The following NF1 variants were observed in gnomAD, a reference collection of about 807,000 sequenced individuals.
The protein encoded by NF1 is neurofibromin 1.
NF1 carries 122 observed loss-of-function variants against 325.7 expected under a neutral mutation model. The ratio of observed to expected loss-of-function variants is 0.37; its 90% CI spans 0.32 to 0.44. The LOEUF (loss-of-function observed/expected upper bound fraction) is 0.44, where lower values mean the gene tolerates loss of function less well. Ranked by LOEUF, NF1 falls within the 20% of genes least tolerant of loss-of-function variation. The pLI is 1.00. For synonymous variants in NF1, 1,091 were observed against 1,186.0 expected (o/e 0.92, Z 1.65); for missense variants, 2,140 against 3,415.4 (o/e 0.63, Z 9.31).
At chr17:31,167,856 G>C (rs1019136682) in intron 4 of NF1, among the ~76,000 whole-genome samples, 2 of 152,062 alleles carry the variant, frequency 1.3e-5, no homozygotes, top group Non-Finnish European at 2.9e-5. Flanking sequence ...GAGAAGCTGG[G>C]GTTTAAACAG....
At chr17:31,122,677 T>G (rs1914537864) in intron 1 of NF1, among the ~76,000 whole-genome samples, 1 of 152,244 alleles carries the variant, frequency 6.6e-6, no homozygotes, top group Non-Finnish European at 1.5e-5. Flanking sequence ...TGCATATTGG[T>G]TTTCAGATAA....
At chr17:31,265,528 A>G (rs2067771547) in intron 36 of NF1, among the ~76,000 whole-genome samples, 189 bp downstream of exon 36, 1 of 151,678 alleles carries the variant, frequency 6.6e-6, no homozygotes, top group South Asian at 2.1e-4. Flanking sequence ...GCTGCTTTTC[A>G]TACTACCCAT....
chr17:31,186,527 C>T (rs1377975080), intron 8 of NF1, among the ~76,000 whole-genome samples: 1 of 152,106 alleles, frequency 6.6e-6, no homozygotes, highest in Non-Finnish European at 1.5e-5. Flanking sequence ...AGTGGTTTGG[C>T]TGGATGGTCA....
At chr17:31,260,606 G>A (rs368175087) in intron 34 of NF1, 91 bp downstream of exon 34, 1 of 1,404,194 alleles carries the variant, frequency 7.1e-7, no homozygotes, top group Non-Finnish European at 1.0e-6. Context: ...TTTTTACTTT[G>A]CATCTTCTTG....
At chr17:31,320,553 G>A (rs768474842) in intron 36 of NF1, 9 of 800,576 alleles carry the variant, frequency 1.1e-5, no homozygotes, top group South Asian at 7.6e-5. Flanking sequence ...AATGTGATAC[G>A]TTGAGTTATG....
chr17:31,181,590 A>T, intron 6 of NF1, 101 bp downstream of exon 6: 1 of 1,330,738 alleles, frequency 7.5e-7, no homozygotes, highest in Non-Finnish European at 1.1e-6. Flanking sequence ...TGATAGTTTC[A>T]CATTCATTTT....
In NF1 at chr17:31,226,621, A is replaced by C. The variant is rs758893131; in HGVS notation, c.2188A>C (p.Asn730His). 1.2e-6 allele frequency: 2 copies of C among 1,613,850 alleles called. No homozygotes were observed. Among genetic ancestry groups the C allele is most frequent in the Non-Finnish European group, 1.7e-6 (2 of 1,179,810 alleles). ...TGGGGTGGATGAAGTGTCAGTGCAT[A>C]ACCTCTTGCCCAACTATAACACATT... ...RCGVDEVSVH[N>H]LLPNYNTFME... Residue 730 changes from asparagine (N) to histidine (H), a missense_variant, in exon 18 of 58, where the codon AAC becomes CAC. Coordinates refer to ENST00000358273, the MANE Select transcript of NF1 (RefSeq NM_001042492.3).
At chr17:31,230,493 A>T (rs1256519583) in intron 23 of NF1, 111 bp downstream of exon 23, 3 of 1,326,970 alleles carry the variant, frequency 2.3e-6, no homozygotes, top group Non-Finnish European at 3.2e-6. Context: ...ATGAAAAGAG[A>T]GCAATTTACA....
At position 31,357,296 on chromosome 17, in the gene NF1, G is replaced by T. The variant is rs750754640; in HGVS notation, c.7897G>T (p.Glu2633Ter). 1 of 1,613,990 alleles carries T rather than the reference G, an allele frequency of 6.2e-7. No individual in the cohort carries two copies. The highest frequency in any genetic ancestry group is 8.5e-7 in the Non-Finnish European group (1 of 1,179,918). The change falls in exon 54 of 58, where the codon GAG becomes TAG. Residue 2633 changes from glutamate (E) to a stop codon, truncating the protein, a stop_gained. Transcript: ENST00000358273. LOFTEE classifies it high-confidence loss of function. ...LATLVKYTTD[E>*]FDQRILYEYL... Reference sequence around the variant, plus strand: ...TACACTGGTAAAATATACCACAGATGAGTTTGATCAACGAATTCTTTATGA... The same window carrying T: ...TACACTGGTAAAATATACCACAGATTAGTTTGATCAACGAATTCTTTATGA...
At chr17:31,118,463 C>T (rs1299187359) in intron 1 of NF1, among the ~76,000 whole-genome samples, 2 of 151,980 alleles carry the variant, frequency 1.3e-5, no homozygotes, top group African/African-American at 4.8e-5. Context: ...CGCAACAGGC[C>T]CAGTGTGTGA....
intron 57 of NF1, among the ~76,000 whole-genome samples, chr17:31,361,847 T>G (rs1266276908): frequency 6.6e-6 from 1 of 152,214 alleles, no homozygotes; most frequent in Non-Finnish European, 1.5e-5. Context: ...TTAACTATAT[T>G]CTATTAAATT....
At chr17:31,114,685 C>T (rs1816489587) in intron 1 of NF1, among the ~76,000 whole-genome samples, 1 of 150,368 alleles carries the variant, frequency 6.7e-6, no homozygotes, top group Non-Finnish European at 1.5e-5. Flanking sequence ...AAAACCCTGT[C>T]TCTACTAAGA....
intron 1 of NF1, among the ~76,000 whole-genome samples, chr17:31,111,439 A>G (rs1913405374): frequency 6.6e-6 from 1 of 152,192 alleles, no homozygotes; most frequent in Non-Finnish European, 1.5e-5. Context: ...AAAGAAAACT[A>G]CACTTAGCAT....
intron 15 of NF1, 89 bp from the exon 16 acceptor site, chr17:31,223,355 C>A: frequency 6.8e-7 from 1 of 1,477,688 alleles, no homozygotes; most frequent in East Asian, 2.3e-5. Context: ...AACTTGTATT[C>A]ATTATGGGAG....
At chr17:31,114,074 TAGAG>T (rs1913675550) in intron 1 of NF1, among the ~76,000 whole-genome samples, 1 of 152,182 alleles carries the variant, frequency 6.6e-6, no homozygotes, top group African/African-American at 2.4e-5. Flanking sequence ...TTGAATAACA[TAGAG>T]AAGAAGAGGG....
intron 5 of NF1, among the ~76,000 whole-genome samples, chr17:31,175,106 T>TTA: frequency 8.7e-5 from 1 of 11,498 alleles, no homozygotes; most frequent in Non-Finnish European, 2.8e-4. Flanking sequence ...AGACTCCATC[T>TTA]CAAAAAAAAA....
intron 8 of NF1, among the ~76,000 whole-genome samples, chr17:31,187,732 A>G (rs749211728): frequency 6.6e-6 from 1 of 152,118 alleles, no homozygotes; most frequent in African/African-American, 2.4e-5. Flanking sequence ...CTAGTGATCC[A>G]CTAGAAAATT....
chr17:31,155,869 T>A (rs1158257181), intron 1 of NF1, 114 bp from the exon 2 acceptor site: 1 of 1,170,472 alleles, frequency 8.5e-7, no homozygotes, highest in Non-Finnish European at 1.2e-6. Flanking sequence ...AGTATAGGTA[T>A]CTGTGGTTGA....
intron 57 of NF1, among the ~76,000 whole-genome samples, chr17:31,370,926 A>G (rs2070624598): frequency 6.6e-6 from 1 of 152,150 alleles, no homozygotes. Flanking sequence ...GAATTACTGG[A>G]CTTGAAACTT....
Sources: gnomAD v4.1 joint callset for allele counts (sites outside exome capture counted in the v4.1 genomes callset) on GRCh38, gnomAD v4.1.1 for gene constraint, MANE v1.5 for transcripts, NCBI Gene and HGNC (gene_info 2026-07-23, HGNC 2026-07-21) for gene names.